Variants in HIP1 observed in about 807,000 individuals in gnomAD.
HIP1 encodes the protein huntingtin-interacting protein 1.
In HIP1, 65 loss-of-function variants were observed where a neutral mutation model predicts 147.6. That is an observed-to-expected ratio of 0.44 (90% CI 0.36 to 0.54). The LOEUF is 0.54. Ranked by LOEUF, HIP1 falls within the 20% of genes least tolerant of loss-of-function variation. HIP1 has a pLI of 0.00. For synonymous variants in HIP1, 479 were observed against 504.0 expected, an observed-to-expected ratio of 0.95 and a Z score of 0.67; for missense variants, 1,061 against 1,299.6, an observed-to-expected ratio of 0.82 and a Z score of 2.82.
intron 4 of HIP1, among the ~76,000 whole-genome samples, chr7:75,589,920 G>C (rs782088264): frequency 4.6e-5 from 7 of 151,616 alleles, no homozygotes; most frequent in Non-Finnish European, 8.8e-5. Flanking sequence ...TTTTAGTAGA[G>C]ACGGGGGTTT....
At chr7:75,559,983 G>A (rs1442828519) in intron 13 of HIP1, 68 bp from the exon 14 acceptor site, 1 of 1,433,274 alleles carries the variant, frequency 7.0e-7, no homozygotes, top group East Asian at 2.4e-5. Flanking sequence ...GGCCGGAGAA[G>A]CGGGTCCTAC....
At chr7:75,553,392 A>AT in intron 22 of HIP1, 61 bp downstream of exon 22, 1 of 1,576,156 alleles carries the variant, frequency 6.3e-7, no homozygotes, top group South Asian at 1.1e-5. Context: ...TTCCCTGGCC[A>AT]TTCACCAGCA....
At chr7:75,665,562 G>A (rs868944872) in intron 1 of HIP1, among the ~76,000 whole-genome samples, 5 of 146,996 alleles carry the variant, frequency 3.4e-5, no homozygotes, top group Middle Eastern at 3.2e-3. Context: ...TTTTTTTTGA[G>A]ACAGTCTCGC....
At chr7:75,675,644 G>T (rs2705812) in intron 1 of HIP1, among the ~76,000 whole-genome samples, 85,907 of 151,550 alleles carry the variant, frequency 0.57, 24,796 homozygotes, top group African/African-American at 0.66. Context: ...TCATTTTTTA[G>T]ACATGGTTTT....
intron 1 of HIP1, among the ~76,000 whole-genome samples, chr7:75,605,373 A>G (rs188222219): frequency 3.3e-5 from 5 of 152,264 alleles, no homozygotes; most frequent in Non-Finnish European, 7.4e-5. Context: ...GGGATGGAGG[A>G]GAAGCCAGGA....
rs1436561809 is a variant in HIP1 at position 75,585,769 on chromosome 7, G to A, written c.465+984C>T. Among the ~76,000 whole-genome samples, 3 of 151,240 alleles carry A rather than the reference G, an allele frequency of 2.0e-5. No homozygotes were observed. The Admixed American group carries it at 2.0e-4, about 10-fold the overall frequency. ...CAGTTGCCAGACCCCTGTACACCCC[G>A]CAGCTGCTCGCCTCCCCCACCTCAC... On this transcript the variant is annotated intron_variant, in intron 5 of 30. Transcript: ENST00000336926.
intron 4 of HIP1, among the ~76,000 whole-genome samples, chr7:75,589,366 G>A (rs1238238180): frequency 1.3e-5 from 2 of 151,812 alleles, no homozygotes; most frequent in African/African-American, 2.4e-5. Context: ...GGTAGGATGA[G>A]AAAGTCTGAC....
intron 1 of HIP1, among the ~76,000 whole-genome samples, chr7:75,689,556 G>T (rs1554517926): frequency 6.6e-6 from 1 of 152,038 alleles, no homozygotes; most frequent in African/African-American, 2.4e-5. Context: ...ATTTATACAT[G>T]CATACATGCA....
At chr7:75,545,918 C>T (rs375354700) in intron 25 of HIP1, among the ~76,000 whole-genome samples, 5 of 152,020 alleles carry the variant, frequency 3.3e-5, no homozygotes, top group Admixed American at 2.0e-4. Context: ...TCTAGCCTGG[C>T]GACAGAGCGA....
chr7:75,570,458 AT>A (rs1554496376), intron 8 of HIP1, among the ~76,000 whole-genome samples: 2 of 148,720 alleles, frequency 1.3e-5, no homozygotes, highest in Admixed American at 6.7e-5. Flanking sequence ...CGCCCGGCTA[AT>A]TTTTTGTATT....
intron 1 of HIP1, among the ~76,000 whole-genome samples, chr7:75,651,386 G>A (rs1214024842): frequency 6.7e-6 from 1 of 149,122 alleles, no homozygotes; most frequent in Non-Finnish European, 1.5e-5. Context: ...TTGAACCCGG[G>A]AGGTGGAGGT....
At chr7:75,621,108 G>A (rs945754796) in intron 1 of HIP1, among the ~76,000 whole-genome samples, 1 of 152,186 alleles carries the variant, frequency 6.6e-6, no homozygotes. Flanking sequence ...CTTGGTGGCA[G>A]AGGTGGGAGG....
At chr7:75,603,343 CAA>C (rs10546584) in intron 1 of HIP1, among the ~76,000 whole-genome samples, 38,359 of 127,262 alleles carry the variant, frequency 0.3, 5,515 homozygotes, top group African/African-American at 0.4. Flanking sequence ...GCGAGACTCT[CAA>C]AAAAAAAAAA....
chr7:75,693,490 T>C (rs1554518411), intron 1 of HIP1, among the ~76,000 whole-genome samples: 1 of 152,198 alleles, frequency 6.6e-6, no homozygotes, highest in Non-Finnish European at 1.5e-5. Context: ...TTCATGGAGA[T>C]ACATTTTTTT....
intron 4 of HIP1, among the ~76,000 whole-genome samples, chr7:75,588,547 G>A (rs1214533084): frequency 6.6e-6 from 1 of 152,148 alleles, no homozygotes; most frequent in Non-Finnish European, 1.5e-5. Flanking sequence ...GCTTTGGGAG[G>A]CTGAGGTGGC....
At chr7:75,580,776 G>C (rs1554498437) in intron 7 of HIP1, among the ~76,000 whole-genome samples, 2 of 151,594 alleles carry the variant, frequency 1.3e-5, no homozygotes, top group African/African-American at 4.8e-5. Context: ...AAGTCTTGCT[G>C]TATCACTCAG....
At chr7:75,606,049 A>AT (rs1797211671) in intron 1 of HIP1, among the ~76,000 whole-genome samples, 1 of 151,976 alleles carries the variant, frequency 6.6e-6, no homozygotes, top group Non-Finnish European at 1.5e-5. Context: ...GGGTCTCATT[A>AT]TGTTGCCCAG....
chr7:75,723,178 C>T (rs964683375), intron 1 of HIP1, among the ~76,000 whole-genome samples: 1 of 152,006 alleles, frequency 6.6e-6, no homozygotes, highest in African/African-American at 2.4e-5. Flanking sequence ...CCAGCCTGGC[C>T]GACATGGTGA....
intron 1 of HIP1, among the ~76,000 whole-genome samples, chr7:75,674,562 G>A (rs1799834790): frequency 6.7e-6 from 1 of 149,852 alleles, no homozygotes; most frequent in African/African-American, 2.5e-5. Context: ...GCACAATCTC[G>A]GCTCACTGAA....
Sources: allele counts gnomAD v4.1 joint callset (sites outside exome capture counted in the v4.1 genomes callset), GRCh38; gene constraint gnomAD v4.1.1; transcripts MANE v1.5; gene names NCBI Gene and HGNC (gene_info 2026-07-23, HGNC 2026-07-21).